The following CDH12 variants were observed in gnomAD, a reference collection of about 807,000 sequenced individuals.
CDH12 encodes the protein cadherin 12.
A neutral mutation model predicts 74.1 loss-of-function variants in CDH12; 41 were observed. The ratio of observed to expected loss-of-function variants is 0.55; its 90% CI spans 0.43 to 0.72. The LOEUF (loss-of-function observed/expected upper bound fraction) is 0.72. CDH12 is among the 30% of genes least tolerant of loss of function. The pLI, the probability that CDH12 is intolerant of heterozygous loss-of-function variation, is 0.00. For synonymous variants in CDH12, 399 were observed against 355.0 expected (o/e 1.12, Z -1.39); for missense variants, 945 against 977.2 (o/e 0.97, Z 0.44).
chr5:22,485,198 T>A (rs1463249326), intron 2 of CDH12, among the ~76,000 whole-genome samples: 2 of 144,552 alleles, frequency 1.4e-5, no homozygotes, highest in Non-Finnish European at 3.0e-5. Context: ...TCTTTTTTTT[T>A]AGAGACAGAA....
At chr5:22,627,314 G>T (rs1738350910) in intron 1 of CDH12, among the ~76,000 whole-genome samples, 1 of 151,526 alleles carries the variant, frequency 6.6e-6, no homozygotes. Context: ...CGATATAAAA[G>T]AAAAATATAT....
Position 21,921,162 on chromosome 5 carries a change from A to C in CDH12, c.526+53929T>G, listed in dbSNP as rs562864986. ...AGGAAATGTGAGGATAAATAAAAGA[A>C]ATAAAAAAGACACAAGTCATGATGT... On this transcript the variant is annotated intron_variant, in intron 6 of 14. Transcript: ENST00000382254. 2.0e-5 allele frequency among the ~76,000 whole-genome samples: 3 copies of C among 152,346 alleles called. No homozygotes were observed. In the East Asian group the frequency reaches 5.8e-4, roughly 29 times the overall value.
chr5:22,572,190 A>G (rs1397753462), intron 1 of CDH12, among the ~76,000 whole-genome samples: 3 of 152,212 alleles, frequency 2.0e-5, no homozygotes, highest in Non-Finnish European at 4.4e-5. Flanking sequence ...ACCTTGCCCT[A>G]AGATTTCAAC....
intron 5 of CDH12, among the ~76,000 whole-genome samples, chr5:22,049,425 T>A (rs1226394445): frequency 6.6e-6 from 1 of 152,142 alleles, no homozygotes; most frequent in Non-Finnish European, 1.5e-5. Flanking sequence ...TCTTCCTTTT[T>A]CCTTGCCCAA....
chr5:22,678,047 G>GGGGC (rs1741298947), intron 1 of CDH12, among the ~76,000 whole-genome samples: 1 of 109,898 alleles, frequency 9.1e-6, no homozygotes, highest in South Asian at 3.0e-4. Flanking sequence ...ATCCTCATGG[G>GGGGC]GGGGGGGGTT....
intron 3 of CDH12, among the ~76,000 whole-genome samples, chr5:22,224,414 G>C (rs1389962245): frequency 6.6e-6 from 1 of 151,970 alleles, no homozygotes; most frequent in East Asian, 1.9e-4. Context: ...TCCTGCATGA[G>C]GTCACTTGGA....
At chr5:22,315,118 G>GATTTTTTTTTTT (rs1344184080) in intron 3 of CDH12, among the ~76,000 whole-genome samples, 1 of 9,402 alleles carries the variant, frequency 1.1e-4, no homozygotes, top group African/African-American at 3.0e-4. Context: ...TGCCTGCCTG[G>GATTTTTTTTTTT]CTTTTTTTTT....
intron 3 of CDH12, among the ~76,000 whole-genome samples, chr5:22,266,260 G>C (rs1287343065): frequency 6.6e-6 from 1 of 151,860 alleles, no homozygotes; most frequent in Non-Finnish European, 1.5e-5. Context: ...ATTTTTAGTA[G>C]AGACGGGGTT....
intron 3 of CDH12, among the ~76,000 whole-genome samples, chr5:22,325,058 G>T (rs1739029302): frequency 6.6e-6 from 1 of 152,280 alleles, no homozygotes; most frequent in Middle Eastern, 3.4e-3. Flanking sequence ...GGAAATCAGG[G>T]CATGTGCCTC....
chr5:22,440,783 G>A (rs748014160), intron 2 of CDH12, among the ~76,000 whole-genome samples: 1 of 152,006 alleles, frequency 6.6e-6, no homozygotes, highest in Non-Finnish European at 1.5e-5. Context: ...TAGTTATATT[G>A]GGTCAGCCTG....
At chr5:22,800,020 G>A (rs191137066) in intron 1 of CDH12, among the ~76,000 whole-genome samples, 23 of 152,228 alleles carry the variant, frequency 1.5e-4, no homozygotes, top group Admixed American at 7.2e-4. Context: ...ACATACAAGG[G>A]CATTACGTGA....
chr5:21,837,547 T>C (rs1198883711), intron 8 of CDH12, among the ~76,000 whole-genome samples: 1 of 151,986 alleles, frequency 6.6e-6, no homozygotes, highest in Non-Finnish European at 1.5e-5. Context: ...TTCTTATGTA[T>C]GTATGGAATA....
At chr5:22,129,261 T>C (rs1746047032) in intron 4 of CDH12, among the ~76,000 whole-genome samples, 1 of 152,236 alleles carries the variant, frequency 6.6e-6, no homozygotes, top group Admixed American at 6.5e-5. Context: ...CCTCTGAGTT[T>C]CCATATCTTC....
chr5:21,862,623 TA>T (rs1383205384), intron 6 of CDH12, among the ~76,000 whole-genome samples: 1 of 152,174 alleles, frequency 6.6e-6, no homozygotes, highest in African/African-American at 2.4e-5. Flanking sequence ...ATGAACAATA[TA>T]AAAAGTATGT....
rs1017474619 is a variant in CDH12, at chr5:22,114,185, T to C, written c.-186-35323A>G. Among the ~76,000 whole-genome samples, 6 of 152,282 alleles carry C rather than the reference T, an allele frequency of 3.9e-5. No homozygotes were observed. In the East Asian group the frequency reaches 1.2e-3, roughly 29 times the overall value. On this transcript the variant is annotated intron_variant, in intron 4 of 14. Coordinates refer to ENST00000382254, the MANE Select transcript of CDH12 (RefSeq NM_004061.5). Reference sequence around the variant, plus strand: ...GTCTCAGCTATTCTACTTCCTATTATCAGTTCCCCGCATTGAATTCTGTCT... The same window carrying C: ...GTCTCAGCTATTCTACTTCCTATTACCAGTTCCCCGCATTGAATTCTGTCT...
chr5:21,789,188 T>A (rs1746359175), intron 10 of CDH12, among the ~76,000 whole-genome samples: 1 of 152,176 alleles, frequency 6.6e-6, no homozygotes. Flanking sequence ...TACATACATA[T>A]ATGTCACAAG....
chr5:22,674,879 T>A (rs1741084788), intron 1 of CDH12, among the ~76,000 whole-genome samples: 1 of 152,128 alleles, frequency 6.6e-6, no homozygotes, highest in African/African-American at 2.4e-5. Context: ...CAGAAGAAAT[T>A]TCTCAGCAGC....
intron 1 of CDH12, among the ~76,000 whole-genome samples, chr5:22,707,065 G>T (rs1236482262): frequency 2.0e-5 from 3 of 152,042 alleles, no homozygotes; most frequent in Non-Finnish European, 4.4e-5. Flanking sequence ...CAGTCATCTG[G>T]ACTCTCATTG....
chr5:22,032,817 C>T (rs540535510), intron 5 of CDH12, among the ~76,000 whole-genome samples: 20 of 144,604 alleles, frequency 1.4e-4, no homozygotes, highest in Middle Eastern at 3.7e-3. Context: ...TGTATATATA[C>T]ACACACACAC....
Sources: gnomAD v4.1 joint callset for allele counts (sites outside exome capture counted in the v4.1 genomes callset) on GRCh38, gnomAD v4.1.1 for gene constraint, MANE v1.5 for transcripts, NCBI Gene and HGNC (gene_info 2026-07-23, HGNC 2026-07-21) for gene names.